Variants in EGFR observed in about 807,000 individuals in gnomAD.
EGFR encodes epidermal growth factor receptor.
In EGFR, 58 loss-of-function variants were observed where a neutral mutation model predicts 143.0. The ratio of observed to expected loss-of-function variants is 0.41; its 90% confidence interval spans 0.33 to 0.50. The LOEUF is 0.50. Ranked by LOEUF, EGFR falls within the 20% of genes least tolerant of loss-of-function variation. EGFR has a pLI of 0.39. For synonymous variants in EGFR, 613 were observed against 594.4 expected, an observed-to-expected ratio of 1.03 and a Z score of -0.45; for missense variants, 1,307 against 1,579.0, an observed-to-expected ratio of 0.83 and a Z score of 2.92.
chr7:55,099,405 T>C (rs778286199), intron 1 of EGFR, among the ~76,000 whole-genome samples: 1 of 152,236 alleles, frequency 6.6e-6, no homozygotes, highest in Non-Finnish European at 1.5e-5. Flanking sequence ...CACTTGGCTG[T>C]CAGCATTGGA....
At chr7:55,160,970 T>TAGCACAC (rs1458271981) in intron 12 of EGFR, among the ~76,000 whole-genome samples, 3 of 152,230 alleles carry the variant, frequency 2.0e-5, no homozygotes, top group Non-Finnish European at 4.4e-5. Flanking sequence ...CCATGGTGCC[T>TAGCACAC]AGCACACAGC....
intron 19 of EGFR, among the ~76,000 whole-genome samples, chr7:55,177,848 A>G (rs947374131): frequency 1.3e-5 from 2 of 152,234 alleles, no homozygotes; most frequent in Non-Finnish European, 2.9e-5. Flanking sequence ...TGCTTGCTGT[A>G]GGTCACGGTG....
intron 1 of EGFR, among the ~76,000 whole-genome samples, chr7:55,026,717 C>A (rs1178070670): frequency 1.3e-5 from 2 of 152,162 alleles, no homozygotes; most frequent in Non-Finnish European, 2.9e-5. Flanking sequence ...CATAAAACTT[C>A]TCCCTCAAAC....
intron 1 of EGFR, among the ~76,000 whole-genome samples, chr7:55,078,743 G>C (rs1790280950): frequency 6.6e-6 from 1 of 152,216 alleles, no homozygotes; most frequent in East Asian, 1.9e-4. Context: ...CAGGAGGACA[G>C]AGAGGGGACA....
At chr7:55,199,940 G>T (rs180683384) in intron 23 of EGFR, among the ~76,000 whole-genome samples, 14 of 152,358 alleles carry the variant, frequency 9.2e-5, no homozygotes, top group African/African-American at 2.6e-4. Context: ...CTGAAGGAAT[G>T]CTAAGGGTGG....
At chr7:55,070,355 A>G (rs770321936) in intron 1 of EGFR, among the ~76,000 whole-genome samples, 23 of 152,220 alleles carry the variant, frequency 1.5e-4, no homozygotes, top group Non-Finnish European at 2.8e-4. Flanking sequence ...TTCACAAAAA[A>G]TCACTAACTT....
intron 1 of EGFR, among the ~76,000 whole-genome samples, chr7:55,026,653 A>G (rs1786903218): frequency 6.6e-6 from 1 of 152,166 alleles, no homozygotes; most frequent in South Asian, 2.1e-4. Context: ...TCTGGCCGGA[A>G]AGATGCCTGC....
At chr7:55,181,802 G>A (rs1786891487) in intron 20 of EGFR, 1 of 407,178 alleles carries the variant, frequency 2.5e-6, no homozygotes, top group Non-Finnish European at 4.6e-6. Context: ...TAGTGGAGAA[G>A]GAATATTGCT....
chr7:55,146,534 G>A (rs2128929257), intron 3 of EGFR, 72 bp from the exon 4 acceptor site: 1 of 1,605,806 alleles, frequency 6.2e-7, no homozygotes, highest in South Asian at 1.1e-5. Context: ...TAAATGCGAA[G>A]AGCACATGCA....
intron 1 of EGFR, among the ~76,000 whole-genome samples, chr7:55,093,280 CT>C (rs1456634536): frequency 6.6e-6 from 1 of 152,092 alleles, no homozygotes; most frequent in African/African-American, 2.4e-5. Context: ...TTTTTTTGTT[CT>C]GATTTCCGTG....
chr7:55,183,677 T>A (rs1216232714), intron 20 of EGFR, among the ~76,000 whole-genome samples: 1 of 152,260 alleles, frequency 6.6e-6, no homozygotes, highest in Non-Finnish European at 1.5e-5. Context: ...ACTGCCCTCC[T>A]TGCCCAGGCA....
chr7:55,093,820 G>A (rs527821070), intron 1 of EGFR, among the ~76,000 whole-genome samples: 4 of 152,234 alleles, frequency 2.6e-5, no homozygotes, highest in South Asian at 4.2e-4. Context: ...CATTTCTCTC[G>A]GGCAGTGTGG....
chr7:55,099,260 C>G (rs1791662291), intron 1 of EGFR, among the ~76,000 whole-genome samples: 1 of 152,214 alleles, frequency 6.6e-6, no homozygotes, highest in Non-Finnish European at 1.5e-5. Flanking sequence ...CTCAATTACA[C>G]AGAAGTTTCA....
intron 1 of EGFR, among the ~76,000 whole-genome samples, chr7:55,053,815 CT>C (rs1359220253): frequency 6.6e-6 from 1 of 152,242 alleles, no homozygotes; most frequent in Non-Finnish European, 1.5e-5. Flanking sequence ...CCAGCCATTC[CT>C]TTCAGTGAAT....
chr7:55,026,430 A>G (rs1786889379), intron 1 of EGFR, among the ~76,000 whole-genome samples: 4 of 152,204 alleles, frequency 2.6e-5, no homozygotes, highest in Admixed American at 2.0e-4. Context: ...GAGCATCGCC[A>G]TCTTGGACAA....
chr7:55,071,978 G>T (rs553535844), intron 1 of EGFR, among the ~76,000 whole-genome samples: 18 of 152,266 alleles, frequency 1.2e-4, no homozygotes, highest in Admixed American at 4.6e-4. Context: ...CTCTTGGATT[G>T]GGTCAGAGAG....
At chr7:55,115,994 G>A (rs1015205178) in intron 1 of EGFR, among the ~76,000 whole-genome samples, 1 of 152,134 alleles carries the variant, frequency 6.6e-6, no homozygotes, top group African/African-American at 2.4e-5. Context: ...TCCTAGGCAC[G>A]GGTTACAGTG....
rs775964175 is a variant in EGFR at position 55,019,295 on chromosome 7, G to C, written c.18G>C (p.Thr6=). ...GAGCAGCGATGCGACCCTCCGGGAC[G>C]GCCGGGGCAGCGCTCCTGGCGCTGC... is the stretch of plus-strand genomic sequence containing the variant. MRPSG[T]AGAALLALLA... The change falls in exon 1 of 28, where the codon ACG becomes ACC. Residue 6 remains threonine (T), a synonymous_variant. Transcript: ENST00000275493. 6.6e-6 allele frequency: 10 copies of C among 1,510,370 alleles called. No homozygotes were observed. Among genetic ancestry groups the C allele is most frequent in the Non-Finnish European group, 8.0e-6 (9 of 1,124,848 alleles). The allele number at this position is 1,510,370 out of a possible 1,614,324, so 93.6% of individuals were successfully genotyped here. A position where few individuals can be genotyped will look rare whatever the true frequency, so the allele number is the denominator to read the frequency against.
chr7:55,121,600 T>C (rs1425653013), intron 1 of EGFR, among the ~76,000 whole-genome samples: 1 of 152,224 alleles, frequency 6.6e-6, no homozygotes. Context: ...ACTATAGTTT[T>C]GTTCTCTCCA....
Sources: allele counts gnomAD v4.1 joint callset (sites outside exome capture counted in the v4.1 genomes callset), GRCh38; gene constraint gnomAD v4.1.1; transcripts MANE v1.5; gene names NCBI Gene and HGNC (gene_info 2026-07-23, HGNC 2026-07-21).